The following CDK5RAP2 variants were observed in gnomAD, a reference collection of about 807,000 sequenced individuals.
CDK5RAP2 encodes the protein CDK5 regulatory subunit associated protein 2, also known as CDK5 regulatory subunit-associated protein 2.
A neutral mutation model predicts 232.9 loss-of-function variants in CDK5RAP2; 147 were observed. The observed-to-expected ratio is 0.63, with a 90% CI of 0.55 to 0.72. The LOEUF (loss-of-function observed/expected upper bound fraction) is 0.72, where lower values mean the gene tolerates loss of function less well. CDK5RAP2 is among the 30% of genes least tolerant of loss of function. The pLI is 0.00. For synonymous variants in CDK5RAP2, 833 were observed against 833.7 expected (o/e 1.00, Z 0.01); for missense variants, 2,195 against 2,231.5 (o/e 0.98, Z 0.33).
At chr9:120,395,192 A>C (rs10429579) in intron 35 of CDK5RAP2, among the ~76,000 whole-genome samples, 114,873 of 152,156 alleles carry the variant, frequency 0.75, 43,642 homozygotes, top group East Asian at 0.84. Context: ...GTCCTGTATA[A>C]AAGGCATTCC....
At chr9:120,391,719 A>G (rs2031999359) in intron 36 of CDK5RAP2, among the ~76,000 whole-genome samples, 1 of 152,192 alleles carries the variant, frequency 6.6e-6, no homozygotes, top group African/African-American at 2.4e-5. Flanking sequence ...GTATGGTGTC[A>G]GTTTGACCAG....
At chr9:120,478,205 A>G (rs2038119449) in intron 14 of CDK5RAP2, among the ~76,000 whole-genome samples, 2 of 152,250 alleles carry the variant, frequency 1.3e-5, no homozygotes. Flanking sequence ...ATGGAGTTAC[A>G]GAGCAGATGA....
At position 120,468,457 on chromosome 9, in the gene CDK5RAP2, T is replaced by G. The variant is rs568154149; in HGVS notation, c.1969-460A>C. 5.9e-5 allele frequency among the ~76,000 whole-genome samples: 9 copies of G among 152,356 alleles called. No individual in the cohort carries two copies. The East Asian group carries it at 1.7e-3, about 29-fold the overall frequency. On this transcript the variant is annotated intron_variant, in intron 17 of 37. Coordinates refer to ENST00000349780, the MANE Select transcript of CDK5RAP2 (RefSeq NM_018249.6). ...GTCTTACTTTTCACTAGTGACCTCC[T>G]CCTTTGTACACCTATCTGGCAATGC...
chr9:120,436,525 C>T (rs536717378), intron 25 of CDK5RAP2, among the ~76,000 whole-genome samples: 112 of 152,218 alleles, frequency 7.4e-4, no homozygotes, highest in African/African-American at 2.6e-3. Context: ...TAGACAACAC[C>T]TTTTCTGATT....
In CDK5RAP2 at chr9:120,389,204, G is replaced by A. The variant is rs2031680279; in HGVS notation, c.*32C>T. On this transcript the variant is annotated 3_prime_UTR_variant, in exon 38 of 38. Coordinates refer to ENST00000349780, the MANE Select transcript of CDK5RAP2 (RefSeq NM_018249.6). ...AAGAGACAGCGTGAGCTCGGTGGGGGAAGCACAAGCTTTATTGGCTGAAAG... is the reference window on the plus strand; with the variant it reads ...AAGAGACAGCGTGAGCTCGGTGGGGAAAGCACAAGCTTTATTGGCTGAAAG... The A allele has an allele frequency of 6.3e-7, 1 of 1,590,354 alleles. No individual in the cohort carries two copies. The highest frequency in any genetic ancestry group is 8.6e-7 in the Non-Finnish European group (1 of 1,161,252).
rs1000220937 is a variant in CDK5RAP2 at position 120,519,130 on chromosome 9, T to C, written c.1093-485A>G. On this transcript the variant is annotated intron_variant, in intron 11 of 37. Transcript: ENST00000349780. ...CGGAGGTTGCAGTGAGCCGAGATCG[T>C]ACCACTGCACTCCAGCCTGGGTGAC... Among the ~76,000 whole-genome samples the C allele has an allele frequency of 2.7e-5, 4 of 149,012 alleles. No homozygotes were observed. In the East Asian group the frequency reaches 5.9e-4, roughly 22 times the overall value.
Position 120,467,852 on chromosome 9 carries a change from T to C in CDK5RAP2, c.2106+8A>G. 1 of 1,614,046 alleles carries C rather than the reference T, an allele frequency of 6.2e-7. No homozygotes were observed. On this transcript the variant is annotated splice_region_variant and intron_variant, in intron 18 of 37. Transcript: ENST00000349780. ...TAATCAGCACATGACAACAAAAATG[T>C]TTCTTACCTCTGTTTGTTCTGTAGA...
chr9:120,489,122 C>T (rs2038760344), intron 13 of CDK5RAP2, among the ~76,000 whole-genome samples: 1 of 152,228 alleles, frequency 6.6e-6, no homozygotes, highest in African/African-American at 2.4e-5. Context: ...GAGTACAGAA[C>T]GCTGAATTGG....
chr9:120,439,274 GCCTTC>G, intron 24 of CDK5RAP2, 120 bp downstream of exon 24: 3 of 900,554 alleles, frequency 3.3e-6, no homozygotes, highest in Non-Finnish European at 5.4e-6. Flanking sequence ...CCACCATCAA[GCCTTC>G]CCCAGAACAC....
At chr9:120,572,119 T>TG in intron 1 of CDK5RAP2, 78 bp from the exon 2 acceptor site, 1 of 1,116,714 alleles carries the variant, frequency 9.0e-7, no homozygotes, top group Non-Finnish European at 1.4e-6. Context: ...GGACTGCACA[T>TG]GACAATCATC....
At position 120,411,744 on chromosome 9, in the gene CDK5RAP2, T is replaced by C. The variant is rs75436989; in HGVS notation, c.4298-270A>G. ...GATGAGTGAGTGAGAGTCTTCACCTTCACAGATGTCTTTCCCGAGGTCAAA... is the reference window on the plus strand; with the variant it reads ...GATGAGTGAGTGAGAGTCTTCACCTCCACAGATGTCTTTCCCGAGGTCAAA... On this transcript the variant is annotated intron_variant, in intron 28 of 37. Transcript: ENST00000349780. Among the ~76,000 whole-genome samples, 3,109 of 152,194 alleles carry C rather than the reference T, an allele frequency of 0.02. 110 individuals carry two copies. The highest frequency in any genetic ancestry group is 0.071 in the African/African-American group (2,945 of 41,500).
Position 120,517,777 on chromosome 9 carries a change from G to A in CDK5RAP2, c.1311+650C>T, listed in dbSNP as rs1361331542. On this transcript the variant is annotated intron_variant, in intron 12 of 37. Coordinates refer to ENST00000349780, the MANE Select transcript of CDK5RAP2 (RefSeq NM_018249.6). The stretch of plus-strand genomic sequence containing the variant: ...TATACCTCTATCAGGAACAATCAGT[G>A]AGGTGGGCATGGTGGCATGTGCCTA... 3 of 249,514 alleles carry A rather than the reference G, an allele frequency of 1.2e-5. No individual in the cohort carries two copies. In the East Asian group the frequency reaches 2.9e-4, roughly 24 times the overall value. 15.5% of individuals were successfully genotyped at this position (249,514 alleles called of 1,614,324 possible).
intron 14 of CDK5RAP2, among the ~76,000 whole-genome samples, chr9:120,483,749 C>T (rs567171917): frequency 1.3e-5 from 2 of 152,324 alleles, no homozygotes; most frequent in South Asian, 4.1e-4. Context: ...GACTGGCATT[C>T]TGACACCAAA....
intron 3 of CDK5RAP2, among the ~76,000 whole-genome samples, chr9:120,566,722 C>T (rs987295248): frequency 2.6e-5 from 4 of 152,172 alleles, no homozygotes; most frequent in African/African-American, 4.8e-5. Flanking sequence ...CCACAGGGCA[C>T]CCAGGAGAAG....
intron 4 of CDK5RAP2, among the ~76,000 whole-genome samples, chr9:120,549,114 C>A (rs2041958498): frequency 6.6e-6 from 1 of 151,078 alleles, no homozygotes; most frequent in Non-Finnish European, 1.5e-5. Context: ...CAAGATTGTG[C>A]CACTGCACTC....
chr9:120,422,542 G>A (rs2034627537), intron 26 of CDK5RAP2, 151 bp downstream of exon 26: 1 of 673,292 alleles, frequency 1.5e-6, no homozygotes, highest in Non-Finnish European at 2.7e-6. Flanking sequence ...GGTTTTGTAT[G>A]GCCATTGTCA....
At chr9:120,474,346 G>A (rs1241103130) in intron 15 of CDK5RAP2, among the ~76,000 whole-genome samples, 2 of 152,066 alleles carry the variant, frequency 1.3e-5, no homozygotes, top group African/African-American at 4.8e-5. Context: ...GCCCCCACCC[G>A]CCAGGGGACA....
At chr9:120,478,060 A>C (rs1355788368) in intron 14 of CDK5RAP2, among the ~76,000 whole-genome samples, 1 of 152,236 alleles carries the variant, frequency 6.6e-6, no homozygotes, top group East Asian at 1.9e-4. Context: ...TTATGAATTC[A>C]CATTCACAAA....
In CDK5RAP2 at chr9:120,438,440, T is replaced by C. The variant is rs2035710578; in HGVS notation, c.3723-913A>G. On this transcript the variant is annotated intron_variant, in intron 24 of 37. Coordinates refer to ENST00000349780, the MANE Select transcript of CDK5RAP2 (RefSeq NM_018249.6). ...CCAGCATTAAAGGTGGGGGCCAGTA[T>C]CATGTGAGTACTGGAGTAACATGGG... 2.0e-5 allele frequency among the ~76,000 whole-genome samples: 3 copies of C among 152,252 alleles called. No individual in the cohort carries two copies. The South Asian group carries it at 6.2e-4, about 32-fold the overall frequency.
Sources: gnomAD v4.1 joint callset for allele counts (sites outside exome capture counted in the v4.1 genomes callset) on GRCh38, gnomAD v4.1.1 for gene constraint, MANE v1.5 for transcripts, NCBI Gene and HGNC (gene_info 2026-07-23, HGNC 2026-07-21) for gene names.